TSPAN18: variants seen among roughly 807,000 people sequenced by gnomAD.
TSPAN18 encodes tetraspanin 18.
In TSPAN18, 14 loss-of-function variants were observed where a neutral mutation model predicts 27.3. The observed-to-expected ratio is 0.51, with a 90% confidence interval of 0.34 to 0.80. TSPAN18 has a LOEUF of 0.80. Among genes scored for constraint, TSPAN18 ranks in the 30% least tolerant of loss-of-function variants. The probability of loss-of-function intolerance (pLI) is 0.01; values close to 1 mark genes in which losing one functional copy is unlikely to be tolerated. For missense variants in TSPAN18, 268 were observed against 323.9 expected, an observed-to-expected ratio of 0.83 and a Z score of 1.32; for synonymous variants, 143 against 136.5, an observed-to-expected ratio of 1.05 and a Z score of -0.33.
At chr11:44,798,187 A>G (rs1013076432) in intron 2 of TSPAN18, among the ~76,000 whole-genome samples, 2 of 152,122 alleles carry the variant, frequency 1.3e-5, no homozygotes, top group Admixed American at 1.3e-4. Context: ...GGAAATCACT[A>G]TCTGCTGTTG....
At chr11:44,822,651 G>A (rs1856951011) in intron 2 of TSPAN18, among the ~76,000 whole-genome samples, 1 of 152,008 alleles carries the variant, frequency 6.6e-6, no homozygotes, top group African/African-American at 2.4e-5. Context: ...CAGCCCTAAA[G>A]GGAGCATCCC....
intron 3 of TSPAN18, chr11:44,886,401 T>A (rs1858655274): frequency 6.6e-6 from 1 of 152,146 alleles, no homozygotes; most frequent in Non-Finnish European, 1.5e-5. Context: ...GCCACTTAGT[T>A]CATCCCAAGC....
At chr11:44,899,582 G>A (rs894552555) in intron 3 of TSPAN18, among the ~76,000 whole-genome samples, 25 of 152,210 alleles carry the variant, frequency 1.6e-4, no homozygotes. Flanking sequence ...TTGTGGCGGG[G>A]CAGGAGGGAG....
intron 2 of TSPAN18, among the ~76,000 whole-genome samples, chr11:44,767,602 A>G (rs1565140191): frequency 6.6e-6 from 1 of 152,188 alleles, no homozygotes; most frequent in Non-Finnish European, 1.5e-5. Flanking sequence ...GGCAATTTCT[A>G]TGGATTCCCC....
At chr11:44,771,085 T>A (rs751016080) in intron 2 of TSPAN18, among the ~76,000 whole-genome samples, 40 of 151,682 alleles carry the variant, frequency 2.6e-4, no homozygotes, top group Non-Finnish European at 5.3e-4. Context: ...TTATAGAGAG[T>A]ATTTCAAACC....
At chr11:44,894,882 C>A (rs12798656) in intron 3 of TSPAN18, among the ~76,000 whole-genome samples, 1 of 152,146 alleles carries the variant, frequency 6.6e-6, no homozygotes, top group African/African-American at 2.4e-5. Flanking sequence ...CCACACCCCA[C>A]GGATAGGTGT....
chr11:44,927,074 G>A (rs767758029), intron 9 of TSPAN18, among the ~76,000 whole-genome samples: 16 of 152,172 alleles, frequency 1.1e-4, no homozygotes, highest in Admixed American at 5.9e-4. Context: ...GAGATTTCAC[G>A]CTTGCAGAGG....
At chr11:44,858,754 C>G (rs1857801861) in intron 2 of TSPAN18, among the ~76,000 whole-genome samples, 1 of 152,074 alleles carries the variant, frequency 6.6e-6, no homozygotes, top group Non-Finnish European at 1.5e-5. Context: ...GTGGGAGATG[C>G]TGGGGAGGAG....
intron 2 of TSPAN18, among the ~76,000 whole-genome samples, chr11:44,827,458 G>A (rs1313097574): frequency 6.6e-6 from 1 of 152,238 alleles, no homozygotes; most frequent in Non-Finnish European, 1.5e-5. Flanking sequence ...AGGTGATTCT[G>A]CAAGGAGACT....
chr11:44,744,704 A>G (rs1447986013), intron 1 of TSPAN18, among the ~76,000 whole-genome samples: 30 of 152,206 alleles, frequency 2.0e-4, no homozygotes, highest in Non-Finnish European at 1.5e-5. Context: ...AAATAAGCCG[A>G]AGAATGGGGT....
chr11:44,754,874 A>G (rs1372904209), intron 1 of TSPAN18, among the ~76,000 whole-genome samples: 1 of 152,182 alleles, frequency 6.6e-6, no homozygotes, highest in African/African-American at 2.4e-5. Context: ...ATGTGGGACA[A>G]TGCCCACCGA....
intron 2 of TSPAN18, among the ~76,000 whole-genome samples, chr11:44,839,201 T>C (rs1857320485): frequency 6.6e-6 from 1 of 152,218 alleles, no homozygotes; most frequent in Non-Finnish European, 1.5e-5. Context: ...AACATTTTGG[T>C]GGACATGCAA....
intron 1 of TSPAN18, among the ~76,000 whole-genome samples, chr11:44,752,219 A>C (rs2134858370): frequency 6.6e-6 from 1 of 152,354 alleles, no homozygotes; most frequent in African/African-American, 2.4e-5. Context: ...TCTCCAAAAC[A>C]GGCTAGTTTT....
At chr11:44,756,702 A>G (rs55729363) in intron 1 of TSPAN18, among the ~76,000 whole-genome samples, 8,182 of 152,274 alleles carry the variant, frequency 0.054, 295 homozygotes, top group African/African-American at 0.096. Flanking sequence ...AAAATTTAGC[A>G]TAGCATTTTC....
chr11:44,882,016 A>G (rs1482515194), intron 3 of TSPAN18, among the ~76,000 whole-genome samples: 2 of 152,146 alleles, frequency 1.3e-5, no homozygotes, highest in Admixed American at 1.3e-4. Context: ...CAACTCCCAC[A>G]GTGTGGCCCA....
At chr11:44,735,712 G>T (rs1349627445) in intron 1 of TSPAN18, among the ~76,000 whole-genome samples, 2 of 151,830 alleles carry the variant, frequency 1.3e-5, no homozygotes, top group African/African-American at 4.8e-5. Context: ...CGCCTCCTGG[G>T]TTCATACCAT....
At chr11:44,918,974 A>G (rs953239910) in intron 6 of TSPAN18, among the ~76,000 whole-genome samples, 1 of 150,704 alleles carries the variant, frequency 6.6e-6, no homozygotes, top group Non-Finnish European at 1.5e-5. Flanking sequence ...TGAGGTCCTC[A>G]GCGTGCCCTG....
At position 44,909,744 on chromosome 11, in the gene TSPAN18, A is replaced by G. The variant is rs780959595; in HGVS notation, c.103A>G (p.Met35Val). 1 of 1,613,126 alleles carries G rather than the reference A, an allele frequency of 6.2e-7. No individual in the cohort carries two copies. Among genetic ancestry groups the G allele is most frequent in the Non-Finnish European group, 8.5e-7 (1 of 1,179,918 alleles). ...ACLLAIGIWV[M>V]VDPTGFREIV... ...CCTGCTGGCCATCGGCATCTGGGTC[A>G]TGGTGGACCCCACCGGCTTCCGGGA... Residue 35 changes from methionine to valine, a missense_variant, in exon 5 of 10, where the codon ATG (methionine) becomes GTG (valine). By Grantham distance (21) the Met-to-Val change is conservative. Transcript: ENST00000520358.
intron 2 of TSPAN18, among the ~76,000 whole-genome samples, chr11:44,804,869 A>C (rs957520305): frequency 6.6e-6 from 1 of 152,216 alleles, no homozygotes; most frequent in Middle Eastern, 3.2e-3. Flanking sequence ...CCCCATTATG[A>C]GTTCCGACGG....
Sources: gnomAD v4.1 joint callset for allele counts (sites outside exome capture counted in the v4.1 genomes callset) on GRCh38, gnomAD v4.1.1 for gene constraint, MANE v1.5 for transcripts, NCBI Gene and HGNC (gene_info 2026-07-23, HGNC 2026-07-21) for gene names.